The following GRAP2 variants were observed in gnomAD, a reference collection of about 807,000 sequenced individuals.
The protein encoded by GRAP2 is GRB2-related adapter protein 2.
GRAP2 carries 31 observed loss-of-function variants against 43.5 expected under a neutral mutation model. The ratio of observed to expected loss-of-function variants is 0.71; its 90% CI spans 0.54 to 0.96. GRAP2 has a LOEUF of 0.96. Ranked by LOEUF, GRAP2 falls within the 40% of genes least tolerant of loss-of-function variation. The pLI, the probability that GRAP2 is intolerant of heterozygous loss-of-function variation, is 0.00. For missense variants in GRAP2, 371 were observed against 424.4 expected, an observed-to-expected ratio of 0.87 and a Z score of 1.11; for synonymous variants, 156 against 164.8, an observed-to-expected ratio of 0.95 and a Z score of 0.41.
rs73412413 is a variant in GRAP2, at chr22:39,970,794, T to G, written c.814-111T>G. ...TTTTAAGCTGCAGAGGGGTCAGCCT[T>G]CAGGGAATGTTGCTCTCAAAGACTT... is the stretch of plus-strand genomic sequence containing the variant. On this transcript the variant is annotated intron_variant, in intron 7 of 7. Coordinates refer to ENST00000344138, the MANE Select transcript of GRAP2 (RefSeq NM_004810.4). The G allele has an allele frequency of 3.7e-3, 3,699 of 1,005,678 alleles. 99 individuals are homozygous for G. In the African/African-American group the frequency reaches 0.054, roughly 15 times the overall value. The allele number at this position is 1,005,678 out of a possible 1,614,324, so 62.3% of individuals were successfully genotyped here. A position where few individuals can be genotyped will look rare whatever the true frequency, so the allele number is the denominator to read the frequency against.
chr22:39,970,209 A>G (rs2067223551), intron 7 of GRAP2, among the ~76,000 whole-genome samples: 1 of 152,054 alleles, frequency 6.6e-6, no homozygotes. Context: ...TCAAACTCCT[A>G]GGCTCAAGCG....
chr22:39,967,008 AC>A (rs1177027239), intron 5 of GRAP2, among the ~76,000 whole-genome samples: 3 of 152,130 alleles, frequency 2.0e-5, no homozygotes, highest in Non-Finnish European at 4.4e-5. Context: ...ACACACACAC[AC>A]ACACACCAAT....
chr22:39,931,661 A>G (rs953404322), intron 1 of GRAP2, among the ~76,000 whole-genome samples: 1 of 152,194 alleles, frequency 6.6e-6, no homozygotes. Flanking sequence ...GACGAGTTAT[A>G]GGCATGAGAA....
intron 3 of GRAP2, among the ~76,000 whole-genome samples, 178 bp from the exon 4 acceptor site, chr22:39,959,877 G>A (rs912513481): frequency 1.3e-5 from 2 of 152,130 alleles, no homozygotes; most frequent in African/African-American, 2.4e-5. Flanking sequence ...ATGCTCCCTC[G>A]CCTTTCCTGA....
chr22:39,914,468 A>G (rs1051370907), intron 1 of GRAP2, among the ~76,000 whole-genome samples: 7 of 99,730 alleles, frequency 7.0e-5, no homozygotes, highest in Non-Finnish European at 9.4e-5. Flanking sequence ...AGAAGGCATC[A>G]TACTGTCCTG....
chr22:39,924,685 A>G (rs764751969), intron 1 of GRAP2, among the ~76,000 whole-genome samples: 63 of 152,112 alleles, frequency 4.1e-4, no homozygotes, highest in Non-Finnish European at 7.5e-4. Flanking sequence ...CTGGGTGACA[A>G]AACGAGACTC....
At chr22:39,952,609 C>A (rs1165565625) in intron 2 of GRAP2, among the ~76,000 whole-genome samples, 4 of 152,168 alleles carry the variant, frequency 2.6e-5, no homozygotes, top group African/African-American at 9.7e-5. Flanking sequence ...CTTAGTGACA[C>A]CAGCAGTCAC....
intron 1 of GRAP2, among the ~76,000 whole-genome samples, chr22:39,931,593 G>C (rs2066755739): frequency 6.6e-6 from 1 of 152,204 alleles, no homozygotes. Flanking sequence ...ATAATTTACT[G>C]GGGCTGGTGC....
chr22:39,962,337 G>A (rs1254616929), intron 4 of GRAP2, among the ~76,000 whole-genome samples: 1 of 152,090 alleles, frequency 6.6e-6, no homozygotes, highest in African/African-American at 2.4e-5. Context: ...TTAAAGGATT[G>A]TTGGAGCTGG....
chr22:39,950,175 ACCT>A (rs1224230744), intron 2 of GRAP2, among the ~76,000 whole-genome samples: 2 of 151,610 alleles, frequency 1.3e-5, no homozygotes, highest in African/African-American at 4.9e-5. Flanking sequence ...CACATACTTG[ACCT>A]CCTCTACCAT....
intron 1 of GRAP2, among the ~76,000 whole-genome samples, chr22:39,916,311 G>C (rs1164672392): frequency 6.6e-6 from 1 of 152,236 alleles, no homozygotes; most frequent in Non-Finnish European, 1.5e-5. Context: ...GAGGATCAAG[G>C]AGAGAATTCC....
rs201136942 is a variant in GRAP2 at position 39,968,248 on chromosome 22, T to C, written c.666T>C (p.Tyr222=). The change falls in exon 6 of 8, where the codon TAT becomes TAC. Residue 222 remains tyrosine (Y), a synonymous_variant. Transcript: ENST00000344138. ...TGCAGCAGCCCCCACAGCAGCGATA[T>C]CTGCAGCACCACCATTTCCACCAGG... ...QQLQQPPQQR[Y]LQHHHFHQER... is the part of the protein sequence containing the mutation. 5.6e-6 allele frequency: 9 copies of C among 1,610,764 alleles called. No individual in the cohort carries two copies. The highest frequency in any genetic ancestry group is 2.7e-5 in the African/African-American group (2 of 74,698).
chr22:39,935,297 A>G (rs1227890518), intron 1 of GRAP2, among the ~76,000 whole-genome samples: 1 of 152,212 alleles, frequency 6.6e-6, no homozygotes, highest in Non-Finnish European at 1.5e-5. Flanking sequence ...CCAAGCTGTC[A>G]GCTCACTCCA....
chr22:39,964,651 T>C (rs1601741684), intron 4 of GRAP2: 1 of 601,726 alleles, frequency 1.7e-6, no homozygotes, highest in African/African-American at 1.9e-5. Context: ...TAATATCTTT[T>C]GCCACCTATA....
chr22:39,919,698 A>G (rs2066633581), intron 1 of GRAP2, among the ~76,000 whole-genome samples: 3 of 152,240 alleles, frequency 2.0e-5, no homozygotes, highest in Admixed American at 2.0e-4. Context: ...CCATAGAAGT[A>G]CCCCACTAAA....
At chr22:39,947,439 A>G in intron 2 of GRAP2, 1 of 475,924 alleles carries the variant, frequency 2.1e-6, no homozygotes, top group East Asian at 3.6e-5. Flanking sequence ...AAGGGCTGTT[A>G]CAGATGTTCT....
chr22:39,950,925 A>G (rs2066975960), intron 2 of GRAP2, among the ~76,000 whole-genome samples: 1 of 152,246 alleles, frequency 6.6e-6, no homozygotes, highest in South Asian at 2.1e-4. Flanking sequence ...TGACTACCCC[A>G]GCAATTCGCT....
At position 39,939,867 on chromosome 22, in the gene GRAP2, C is replaced by T. The variant is rs189900655; in HGVS notation, c.-14-7226C>T. On this transcript the variant is annotated intron_variant, in intron 1 of 7. Transcript: ENST00000344138. ...GAGGTTGCAGTGAGCTGAGATTGTG[C>T]CACTGCCCTCCAGCCTGGGTGACAG... is the stretch of plus-strand genomic sequence containing the variant. Among the ~76,000 whole-genome samples, 505 of 152,218 alleles carry T rather than the reference C, an allele frequency of 3.3e-3. 1 individual carries two copies. Among genetic ancestry groups the T allele is most frequent in the Non-Finnish European group, 5.4e-3 (370 of 68,020 alleles).
intron 1 of GRAP2, among the ~76,000 whole-genome samples, chr22:39,937,972 G>A (rs192482706): frequency 7.2e-5 from 11 of 152,134 alleles, no homozygotes; most frequent in East Asian, 1.9e-4. Context: ...CATGTGATGC[G>A]TCTTGCACTA....
Sources: gnomAD v4.1 joint callset for allele counts (sites outside exome capture counted in the v4.1 genomes callset) on GRCh38, gnomAD v4.1.1 for gene constraint, MANE v1.5 for transcripts, NCBI Gene and HGNC (gene_info 2026-07-23, HGNC 2026-07-21) for gene names.